Variants in DYNC2H1 observed in about 807,000 individuals in gnomAD.
DYNC2H1 encodes cytoplasmic dynein 2 heavy chain 1.
DYNC2H1 carries 410 observed loss-of-function variants against 570.0 expected under a neutral mutation model. That is an observed-to-expected ratio of 0.72 (90% CI 0.66 to 0.78). The LOEUF is 0.78. Ranked by LOEUF, DYNC2H1 falls within the 30% of genes least tolerant of loss-of-function variation. The pLI, the probability that DYNC2H1 is intolerant of heterozygous loss-of-function variation, is 0.00. For missense variants in DYNC2H1, 4,865 were observed against 5,046.4 expected (o/e 0.96, Z 1.09); for synonymous variants, 1,688 against 1,677.6 (o/e 1.01, Z -0.15).
chr11:103,457,882 ATTTT>A (rs952609516), intron 87 of DYNC2H1, among the ~76,000 whole-genome samples: 1 of 152,160 alleles, frequency 6.6e-6, no homozygotes, highest in African/African-American at 2.4e-5. Flanking sequence ...TATACTTTTA[ATTTT>A]TTTAACTTTT....
intron 40 of DYNC2H1, among the ~76,000 whole-genome samples, chr11:103,182,611 A>C (rs915281528): frequency 2.0e-5 from 3 of 151,946 alleles, no homozygotes; most frequent in Admixed American, 6.6e-5. Context: ...GAGGTTTAAA[A>C]GGAGATCACA....
At position 103,252,224 on chromosome 11, in the gene DYNC2H1, C is replaced by T. The variant is rs1451123492; in HGVS notation, c.10043-1061C>T. 2.0e-5 allele frequency among the ~76,000 whole-genome samples: 3 copies of T among 151,920 alleles called. No individual in the cohort carries two copies. Among genetic ancestry groups the T allele is most frequent in the African/African-American group, 7.3e-5 (3 of 41,356 alleles). On this transcript the variant is annotated intron_variant, in intron 65 of 88. Coordinates refer to ENST00000375735, the MANE Select transcript of DYNC2H1 (RefSeq NM_001377.3). The surrounding 1 kb of genome is among the most constrained non-coding windows in gnomAD (Gnocchi z 4.6). ...TGATGCGATTACAGGCATAAGCAGC[C>T]GTGCCTGACCCACATTTTCTTTATC...
At chr11:103,126,341 T>C (rs770662207) in intron 12 of DYNC2H1, among the ~76,000 whole-genome samples, 3 of 152,210 alleles carry the variant, frequency 2.0e-5, no homozygotes, top group Non-Finnish European at 2.9e-5. Context: ...CAGTAGCATC[T>C]GCTTAGCACT....
At chr11:103,331,924 G>C (rs927543434) in intron 82 of DYNC2H1, among the ~76,000 whole-genome samples, 1 of 152,082 alleles carries the variant, frequency 6.6e-6, no homozygotes, top group Non-Finnish European at 1.5e-5. Flanking sequence ...GCCAGGCGTG[G>C]TGGCACGTGC....
chr11:103,450,321 A>T (rs1259008477), intron 85 of DYNC2H1, among the ~76,000 whole-genome samples: 1 of 152,216 alleles, frequency 6.6e-6, no homozygotes, highest in Non-Finnish European at 1.5e-5. Flanking sequence ...ATCAGTAAAG[A>T]TATAAAAGAC....
intron 17 of DYNC2H1, among the ~76,000 whole-genome samples, chr11:103,136,781 G>A (rs1452396606): frequency 1.3e-5 from 2 of 152,154 alleles, no homozygotes; most frequent in South Asian, 4.1e-4. Context: ...TCTAGTTCTA[G>A]ATCCCTGAGG....
Position 103,455,172 on chromosome 11 carries a change from T to G in DYNC2H1, c.12457-14T>G. On this transcript the variant is annotated splice_polypyrimidine_tract_variant and intron_variant, in intron 85 of 88. Transcript: ENST00000375735. ...TGTGTGTGTATTTATATGTTCATATTTCCCCCCCTCTAGAACTGGGTAGAT... is the reference window on the plus strand; with the variant it reads ...TGTGTGTGTATTTATATGTTCATATGTCCCCCCCTCTAGAACTGGGTAGAT... The G allele has an allele frequency of 5.0e-6, 8 of 1,595,902 alleles. No individual in the cohort carries two copies. The highest frequency in any genetic ancestry group is 6.9e-6 in the Non-Finnish European group (8 of 1,164,492).
At chr11:103,391,993 G>T (rs944197855) in intron 83 of DYNC2H1, among the ~76,000 whole-genome samples, 2 of 152,178 alleles carry the variant, frequency 1.3e-5, no homozygotes, top group Non-Finnish European at 2.9e-5. Context: ...CTCAAACTCC[G>T]TGCTGGGAGA....
Position 103,222,969 on chromosome 11 carries a change from C to G in DYNC2H1, c.9236C>G (p.Ala3079Gly). 6.2e-7 allele frequency: 1 copy of G among 1,612,730 alleles called. No homozygotes were observed. Among genetic ancestry groups the G allele is most frequent in the Non-Finnish European group, 8.5e-7 (1 of 1,179,282 alleles). Residue 3079 changes from alanine (A) to glycine (G), a missense_variant, in exon 59 of 89, where the codon GCT becomes GGT. Ala to Gly is a moderately conservative substitution (Grantham distance 60). This residue lies in a region of DYNC2H1 where 2,401 missense variants were observed against 2,454.6 expected (regional missense o/e 0.98). Transcript: ENST00000375735. ...KNKGSFDPKNAKRASTAAAPL... is the reference protein window; with the variant it reads ...KNKGSFDPKNGKRASTAAAPL... ...CACTTCTCATGGATTTTTCAGAATG[C>G]TAAGCGTGCCAGTACTGCAGCTGCA... is the stretch of plus-strand genomic sequence containing the variant.
intron 84 of DYNC2H1, among the ~76,000 whole-genome samples, chr11:103,416,794 T>TTAAAC (rs71303281): frequency 0.52 from 78,186 of 151,478 alleles, 20,575 homozygotes; most frequent in African/African-American, 0.64. Context: ...TGGGATCTAA[T>TTAAAC]TAAAGAGTTG....
At chr11:103,353,757 A>G (rs1284526361) in intron 82 of DYNC2H1, among the ~76,000 whole-genome samples, 1 of 152,162 alleles carries the variant, frequency 6.6e-6, no homozygotes, top group Non-Finnish European at 1.5e-5. Flanking sequence ...ATATATATAC[A>G]TATGTTTAAC....
At chr11:103,330,181 T>C (rs1052316349) in intron 82 of DYNC2H1, among the ~76,000 whole-genome samples, 4 of 152,230 alleles carry the variant, frequency 2.6e-5, no homozygotes, top group South Asian at 4.1e-4. Flanking sequence ...GCCACGTAAG[T>C]GGTAAAATAG....
chr11:103,430,720 C>G (rs1943856813), intron 84 of DYNC2H1, among the ~76,000 whole-genome samples: 1 of 124,370 alleles, frequency 8.0e-6, no homozygotes, highest in Non-Finnish European at 1.6e-5. Flanking sequence ...ATGCTTCTTC[C>G]TTTCCCTGCT....
chr11:103,148,717 A>G, intron 20 of DYNC2H1, 100 bp downstream of exon 20: 4 of 1,341,346 alleles, frequency 3.0e-6, no homozygotes, highest in African/African-American at 1.5e-5. Context: ...ATATAATCTC[A>G]ACATTATAAG....
rs761506672 is a variant in DYNC2H1 at position 103,173,127 on chromosome 11, G to T, written c.5380G>T (p.Ala1794Ser). Residue 1794 changes from alanine (A) to serine (S), a missense_variant, in exon 35 of 89, where the codon GCT becomes TCT. This residue lies in a region of DYNC2H1 where 292 missense variants were observed against 300.2 expected (regional missense o/e 0.97). Transcript: ENST00000375735. Reference protein sequence around the residue: ...NSGIFITMNPAGKGYGGRQKL... With the variant: ...NSGIFITMNPSGKGYGGRQKL... ...TGGAATTTTTATCACTATGAATCCT[G>T]CTGGAAAAGGTTATGGAGGAAGACA... is the stretch of plus-strand genomic sequence containing the variant. 18 of 1,498,074 alleles carry T rather than the reference G, an allele frequency of 1.2e-5. No homozygotes were observed. The East Asian group carries it at 1.8e-4, about 15-fold the overall frequency. 92.8% of individuals were successfully genotyped at this position (1,498,074 alleles called of 1,614,324 possible). A position where few individuals can be genotyped will look rare whatever the true frequency, so the allele number is the denominator to read the frequency against.
At chr11:103,426,008 G>C (rs1014431571) in intron 84 of DYNC2H1, among the ~76,000 whole-genome samples, 5 of 152,144 alleles carry the variant, frequency 3.3e-5, no homozygotes, top group African/African-American at 1.2e-4. Context: ...CCACGCTGAA[G>C]GTTGTGGGTT....
chr11:103,147,894 A>G lies in DYNC2H1; in HGVS notation c.2818+7A>G. Reference sequence around the variant, plus strand: ...TTGAAGAAGTCCATACAGGGTAAATACACATTTTAATTTTTATTTTTACTT... The same window carrying G: ...TTGAAGAAGTCCATACAGGGTAAATGCACATTTTAATTTTTATTTTTACTT... On this transcript the variant is annotated splice_region_variant and intron_variant, in intron 19 of 88. Coordinates refer to ENST00000375735, the MANE Select transcript of DYNC2H1 (RefSeq NM_001377.3). The G allele has an allele frequency of 1.3e-6, 2 of 1,550,846 alleles. No homozygotes were observed. The highest frequency in any genetic ancestry group is 1.8e-6 in the Non-Finnish European group (2 of 1,129,962).
chr11:103,341,681 G>C (rs896738661), intron 82 of DYNC2H1, among the ~76,000 whole-genome samples: 31 of 152,126 alleles, frequency 2.0e-4, no homozygotes, highest in Non-Finnish European at 8.8e-5. Flanking sequence ...CATCAAATCT[G>C]TATATCTGAT....
intron 87 of DYNC2H1, among the ~76,000 whole-genome samples, chr11:103,462,802 G>A (rs1945062185): frequency 6.6e-6 from 1 of 152,052 alleles, no homozygotes; most frequent in Non-Finnish European, 1.5e-5. Flanking sequence ...TTCATGTGCA[G>A]TTGTCTCTGG....
Sources: allele counts gnomAD v4.1 joint callset (sites outside exome capture counted in the v4.1 genomes callset), GRCh38; gene constraint gnomAD v4.1.1; regional missense constraint gnomAD v4.1.1; non-coding constraint Gnocchi (gnomAD v3.1); transcripts MANE v1.5; gene names NCBI Gene and HGNC (gene_info 2026-07-23, HGNC 2026-07-21).